The following ATP2A1 variants were observed in gnomAD, a reference collection of about 807,000 sequenced individuals.
The protein encoded by ATP2A1 is ATPase sarcoplasmic/endoplasmic reticulum Ca2+ transporting 1, also known as sarcoplasmic/endoplasmic reticulum calcium ATPase 1.
Under a neutral mutation model 109.5 loss-of-function variants are expected in ATP2A1, and 83 were observed. That is an observed-to-expected ratio of 0.76 (90% CI 0.63 to 0.91). ATP2A1 has a LOEUF of 0.91. Ranked by LOEUF, ATP2A1 falls within the 40% of genes least tolerant of loss-of-function variation. The pLI is 0.00. For synonymous variants in ATP2A1, 505 were observed against 537.6 expected (o/e 0.94, Z 0.84); for missense variants, 1,101 against 1,341.0 (o/e 0.82, Z 2.80).
intron 14 of ATP2A1, among the ~76,000 whole-genome samples, chr16:28,899,757 T>TGG (rs1186630772): frequency 1.4e-5 from 2 of 147,310 alleles, no homozygotes; most frequent in Non-Finnish European, 3.0e-5. Context: ...GGTTAGGAGT[T>TGG]TGAGACCAAC....
At position 28,884,404 on chromosome 16, in the gene ATP2A1, G is replaced by C. The variant is rs933061667; in HGVS notation, c.464-171G>C. On this transcript the variant is annotated intron_variant, in intron 5 of 22. Transcript: ENST00000395503. Reference sequence around the variant, plus strand: ...GCAGAAGGGATGGGTGTCACGATGAGGGGTTGCCAGCTTCAGGAGCTCAAG... The same window carrying C: ...GCAGAAGGGATGGGTGTCACGATGACGGGTTGCCAGCTTCAGGAGCTCAAG... Among the ~76,000 whole-genome samples, 19 of 152,196 alleles carry C rather than the reference G, an allele frequency of 1.2e-4. No individual in the cohort carries two copies. The East Asian group carries it at 3.5e-3, about 28-fold the overall frequency.
At position 28,903,742 on chromosome 16, in the gene ATP2A1, G is replaced by GT; in HGVS notation, c.*37+2dup. Reference sequence around the variant, plus strand: ...CTCCATCTCTGAGCCCGTGTCACAGGTATCACCCCCTTCTTGCCCTCAGCC... The same window carrying GT: ...CTCCATCTCTGAGCCCGTGTCACAGGTTATCACCCCCTTCTTGCCCTCAGCC... On this transcript the variant is annotated splice_donor_variant, in intron 22 of 22. Coordinates refer to ENST00000395503, the MANE Select transcript of ATP2A1 (RefSeq NM_004320.6). LOFTEE classifies it low-confidence loss of function (3UTR_SPLICE). The surrounding 1 kb of genome is among the most constrained non-coding windows in gnomAD (Gnocchi z 5.6). 3.7e-6 allele frequency: 6 copies of GT among 1,613,562 alleles called. No individual in the cohort carries two copies. Among genetic ancestry groups the GT allele is most frequent in the Non-Finnish European group, 5.1e-6 (6 of 1,179,634 alleles).
chr16:28,881,537 G>T, intron 4 of ATP2A1: 1 of 216,174 alleles, frequency 4.6e-6, no homozygotes. Context: ...ACTGAGGATA[G>T]AAATAGCCAC....
rs1324825302 is a variant in ATP2A1 at position 28,882,150 on chromosome 16, G to T, written c.325-301G>T. Among the ~76,000 whole-genome samples the T allele has an allele frequency of 2.1e-5, 3 of 141,230 alleles. No homozygotes were observed. The East Asian group carries it at 6.2e-4, about 29-fold the overall frequency. 92.7% of individuals were successfully genotyped at this position (141,230 alleles called of 152,430 possible). ...TTGTACTTTTCGTAGAGACGGACGG[G>T]GTTTCACCATGTTGTCCAGGCTGGT... On this transcript the variant is annotated intron_variant, in intron 4 of 22. Coordinates refer to ENST00000395503, the MANE Select transcript of ATP2A1 (RefSeq NM_004320.6).
At position 28,903,909 on chromosome 16, in the gene ATP2A1, T is replaced by A. The variant is rs1964168259; in HGVS notation, c.*37+168T>A. On this transcript the variant is annotated intron_variant, in intron 22 of 22. Coordinates refer to ENST00000395503, the MANE Select transcript of ATP2A1 (RefSeq NM_004320.6). This position sits in a 1 kb window ranked among gnomAD's most constrained non-coding sequence, Gnocchi z 5.6. Reference sequence around the variant, plus strand: ...TCAGGGTGGGCCGCTGGCCTCCCACTGGGCGTCAGTTTGGCTCCCAGGCCC... The same window carrying A: ...TCAGGGTGGGCCGCTGGCCTCCCACAGGGCGTCAGTTTGGCTCCCAGGCCC... 2.6e-6 allele frequency: 2 copies of A among 779,436 alleles called. No homozygotes were observed. The highest frequency in any genetic ancestry group is 4.4e-6 in the Non-Finnish European group (2 of 453,878). 48.3% of individuals were successfully genotyped at this position (779,436 alleles called of 1,614,324 possible).
At chr16:28,888,704 TG>T in intron 8 of ATP2A1, 82 bp from the exon 9 acceptor site, 1 of 1,497,094 alleles carries the variant, frequency 6.7e-7, no homozygotes, top group South Asian at 1.2e-5. Context: ...CGTGCCCAGC[TG>T]GGGGCTACTA....
chr16:28,902,822 C>T lies in ATP2A1; in HGVS notation c.2655C>T (p.Gly885=). Reference sequence around the variant, plus strand: ...CCGAGGACAACACCCACTTTGAGGGCATAGACTGTGAGGTCTTCGAGGCCC... The same window carrying T: ...CCGAGGACAACACCCACTTTGAGGGTATAGACTGTGAGGTCTTCGAGGCCC... ...QCTEDNTHFE[G]IDCEVFEAPE... Residue 885 remains glycine, a synonymous_variant, in exon 19 of 23, where the codon GGC becomes GGT. Transcript: ENST00000395503. This position sits in a 1 kb window ranked among gnomAD's most constrained non-coding sequence, Gnocchi z 4.8. The T allele has an allele frequency of 6.2e-7, 1 of 1,613,940 alleles. No individual in the cohort carries two copies. The highest frequency in any genetic ancestry group is 1.1e-5 in the South Asian group (1 of 91,066).
Position 28,882,442 on chromosome 16 carries a change from T to A in ATP2A1, c.325-9T>A. ...GTATAACCCTGCCTCCTCCACCCTG[T>A]CTCCTCAGGAGCGGAACGCAGAGAA... On this transcript the variant is annotated splice_polypyrimidine_tract_variant and intron_variant, in intron 4 of 22. Transcript: ENST00000395503. 3.1e-6 allele frequency: 5 copies of A among 1,614,076 alleles called. No individual in the cohort carries two copies. Among genetic ancestry groups the A allele is most frequent in the Non-Finnish European group, 4.2e-6 (5 of 1,180,002 alleles).
At position 28,902,359 on chromosome 16, in the gene ATP2A1, C is replaced by T; in HGVS notation, c.2497C>T (p.Leu833Phe). Residue 833 changes from leucine to phenylalanine, a missense_variant, in exon 17 of 23, where the codon CTC becomes TTC. Physicochemically the swap from Leu to Phe is conservative, Grantham distance 22 (BLOSUM62 0). Coordinates refer to ENST00000395503, the MANE Select transcript of ATP2A1 (RefSeq NM_004320.6). This position sits in a 1 kb window ranked among gnomAD's most constrained non-coding sequence, Gnocchi z 4.8. ...SPKEPLISGW[L>F]FFRYMAIGGY... Reference sequence around the variant, plus strand: ...CAAGGAGCCCCTCATCAGTGGCTGGCTCTTCTTCCGCTACATGGCAATCGG... The same window carrying T: ...CAAGGAGCCCCTCATCAGTGGCTGGTTCTTCTTCCGCTACATGGCAATCGG... The T allele has an allele frequency of 6.2e-7, 1 of 1,614,050 alleles. No individual in the cohort carries two copies.
At chr16:28,889,718 GACAGGGCCCGGCCAGACTGCCAAC>G (rs1449125659) in intron 9 of ATP2A1, among the ~76,000 whole-genome samples, 1 of 152,228 alleles carries the variant, frequency 6.6e-6, no homozygotes, top group African/African-American at 2.4e-5. Flanking sequence ...GGTCACTCAT[GACAGGGCCCGGCCAGACTGCCAAC>G]ACTGACCGTG....
intron 5 of ATP2A1, among the ~76,000 whole-genome samples, chr16:28,882,867 G>A (rs907639466): frequency 3.3e-5 from 5 of 152,188 alleles, no homozygotes; most frequent in African/African-American, 1.2e-4. Context: ...GCAACAGGTG[G>A]AACCCGGTCC....
At chr16:28,881,964 G>T (rs1174420490) in intron 4 of ATP2A1, among the ~76,000 whole-genome samples, 1 of 151,832 alleles carries the variant, frequency 6.6e-6, no homozygotes, top group East Asian at 1.9e-4. Flanking sequence ...TTGAGACAGG[G>T]TCTCGTTCTC....
In ATP2A1 at chr16:28,894,890, G is replaced by A. The variant is rs1226479130; in HGVS notation, c.1356G>A (p.Met452Ile). The change falls in exon 12 of 23, where the codon ATG (methionine) becomes ATA (isoleucine). Residue 452 changes from methionine to isoleucine, a missense_variant. Physicochemically the swap from Met to Ile is conservative, Grantham distance 10 (BLOSUM62 1). Coordinates refer to ENST00000395503, the MANE Select transcript of ATP2A1 (RefSeq NM_004320.6). ...ETALTTLVEKMNVFNTDVRSL... is the reference protein window; with the variant it reads ...ETALTTLVEKINVFNTDVRSL... ...CACTCACCACCCTGGTGGAGAAGAT[G>A]AATGTGTTCAACACGGATGTGAGAA... 6.2e-7 allele frequency: 1 copy of A among 1,612,536 alleles called. No homozygotes were observed. The highest frequency in any genetic ancestry group is 8.5e-7 in the Non-Finnish European group (1 of 1,180,020).
chr16:28,898,306 C>G lies in ATP2A1; in HGVS notation c.1619C>G (p.Pro540Arg). Residue 540 changes from proline to arginine, a missense_variant, in exon 14 of 23, where the codon CCG becomes CGG. Transcript: ENST00000395503. The surrounding 1 kb of genome is among the most constrained non-coding windows in gnomAD (Gnocchi z 4.0). ...VGTTRVPLTG[P>R]VKEKIMAVIK... The stretch of plus-strand genomic sequence containing the variant: ...ACCACCCGGGTGCCACTGACGGGGC[C>G]GGTGAAGGAAAAGATCATGGCGGTG... The G allele has an allele frequency of 6.2e-7, 1 of 1,614,156 alleles. No individual in the cohort carries two copies.
In ATP2A1 at chr16:28,883,428, G is replaced by A. The variant is rs1210081230; in HGVS notation, c.463+839G>A. Among the ~76,000 whole-genome samples, 6 of 152,154 alleles carry A rather than the reference G, an allele frequency of 3.9e-5. No homozygotes were observed. The highest frequency in any genetic ancestry group is 1.3e-4 in the Admixed American group (2 of 15,274). On this transcript the variant is annotated intron_variant, in intron 5 of 22. Transcript: ENST00000395503. This position sits in a 1 kb window ranked among gnomAD's most constrained non-coding sequence, Gnocchi z 5.2. ...CCATGAATGTCTATAAATATCACGCGGGCTTGGGTGACAGGGTGTCCCGCC... is the reference window on the plus strand; with the variant it reads ...CCATGAATGTCTATAAATATCACGCAGGCTTGGGTGACAGGGTGTCCCGCC...
At position 28,903,674 on chromosome 16, in the gene ATP2A1, G is replaced by A; in HGVS notation, c.2981-26G>A. On this transcript the variant is annotated intron_variant, in intron 21 of 22. Transcript: ENST00000395503. The surrounding 1 kb of genome is among the most constrained non-coding windows in gnomAD (Gnocchi z 5.6). ...ATGCCACCTCCCTGCCTTGATAACA[G>A]TGCCTCTTGTCCTCTCTGGCCATAG... 6.2e-7 allele frequency: 1 copy of A among 1,608,686 alleles called. No individual in the cohort carries two copies. The highest frequency in any genetic ancestry group is 8.5e-7 in the Non-Finnish European group (1 of 1,175,500).
chr16:28,887,540 TGCAGCAGAAGCTGGATGAGTTTGGGGA>T lies in ATP2A1; in HGVS notation c.752_778del (p.Gln251_Gln259del). On this transcript the variant is annotated inframe_deletion, in exon 8 of 23. Transcript: ENST00000395503. ...GCCACAGAACAGGACAAGACCCCCT[TGCAGCAGAAGCTGGATGAGTTTGGGGA>T]GCAGCTCTCCAAGGTCATCTCCCTC... 4 of 1,613,964 alleles carry T rather than the reference TGCAGCAGAAGCTGGATGAGTTTGGGGA, an allele frequency of 2.5e-6. No homozygotes were observed. Among genetic ancestry groups the T allele is most frequent in the Non-Finnish European group, 3.4e-6 (4 of 1,179,996 alleles).
chr16:28,894,638 A>T (rs1336870645), intron 11 of ATP2A1, 31 bp downstream of exon 11: 9 of 1,611,812 alleles, frequency 5.6e-6, no homozygotes, highest in Non-Finnish European at 7.6e-6. Flanking sequence ...CAGTTGGCTC[A>T]GAGTCTGGGC....
Position 28,894,917 on chromosome 16 carries a change from C to G in ATP2A1, c.1383C>G (p.Ser461Arg). Reference sequence around the variant, plus strand: ...ATGTGTTCAACACGGATGTGAGAAGCCTCTCGAAGGTGGAGAGAGCCAACG... The same window carrying G: ...ATGTGTTCAACACGGATGTGAGAAGGCTCTCGAAGGTGGAGAGAGCCAACG... ...KMNVFNTDVR[S>R]LSKVERANAC... The change falls in exon 12 of 23, where the codon AGC (serine) becomes AGG (arginine). Residue 461 changes from serine (S) to arginine (R), a missense_variant. Transcript: ENST00000395503. 3.1e-6 allele frequency: 5 copies of G among 1,612,516 alleles called. No homozygotes were observed. The highest frequency in any genetic ancestry group is 3.4e-6 in the Non-Finnish European group (4 of 1,180,022).
Sources: gnomAD v4.1 joint callset for allele counts (sites outside exome capture counted in the v4.1 genomes callset) on GRCh38, gnomAD v4.1.1 for gene constraint, Gnocchi (gnomAD v3.1) non-coding constraint, MANE v1.5 for transcripts, NCBI Gene and HGNC (gene_info 2026-07-23, HGNC 2026-07-21) for gene names.